BAZ1A: variants seen among roughly 807,000 people sequenced by gnomAD.
BAZ1A encodes the protein bromodomain adjacent to zinc finger domain protein 1A.
Under a neutral mutation model 185.2 loss-of-function variants are expected in BAZ1A, and 50 were observed. That is an observed-to-expected ratio of 0.27 (90% CI 0.22 to 0.34). BAZ1A has a LOEUF of 0.34. Among genes scored for constraint, BAZ1A ranks in the 10% least tolerant of loss-of-function variants. The pLI, the probability that BAZ1A is intolerant of heterozygous loss-of-function variation, is 1.00. For synonymous variants in BAZ1A, 571 were observed against 615.6 expected (o/e 0.93, Z 1.07); for missense variants, 1,356 against 1,839.9 (o/e 0.74, Z 4.81).
At position 34,842,144 on chromosome 14, in the gene BAZ1A, G is replaced by T. The variant is rs114584466; in HGVS notation, c.393-15988C>A. On this transcript the variant is annotated intron_variant, in intron 3 of 26. Transcript: ENST00000360310. ...GCCAGCACACAATACTTACTGAATG[G>T]ATTATATAAAATTTGCCTGTGTGTA... is the stretch of plus-strand genomic sequence containing the variant. 7.3e-3 allele frequency among the ~76,000 whole-genome samples: 1,106 copies of T among 151,942 alleles called. 16 individuals carry two copies. The highest frequency in any genetic ancestry group is 0.025 in the African/African-American group (1,048 of 41,414).
At chr14:34,819,167 G>A (rs1763534) in intron 4 of BAZ1A, among the ~76,000 whole-genome samples, 1,386 of 92,458 alleles carry the variant, frequency 0.015, 32 homozygotes, top group Middle Eastern at 0.024. Flanking sequence ...AAAAAAAAAA[G>A]AATGAATCTT....
At chr14:34,799,852 T>A (rs1348459436) in intron 9 of BAZ1A, among the ~76,000 whole-genome samples, 1 of 152,142 alleles carries the variant, frequency 6.6e-6, no homozygotes, top group Non-Finnish European at 1.5e-5. Flanking sequence ...CCTCATGATC[T>A]GCCTGCCTTG....
intron 25 of BAZ1A, among the ~76,000 whole-genome samples, chr14:34,758,308 G>A (rs925399738): frequency 1.3e-5 from 2 of 148,152 alleles, no homozygotes; most frequent in African/African-American, 5.0e-5. Flanking sequence ...ATGGCCAGGT[G>A]TGGTGGCTCA....
chr14:34,782,091 G>A (rs981867321), intron 16 of BAZ1A, among the ~76,000 whole-genome samples: 9 of 152,130 alleles, frequency 5.9e-5, no homozygotes, highest in African/African-American at 2.2e-4. Flanking sequence ...GTAACAAATG[G>A]TTTAATTGTC....
intron 2 of BAZ1A, among the ~76,000 whole-genome samples, chr14:34,865,143 G>A (rs2042836487): frequency 6.6e-6 from 1 of 152,056 alleles, no homozygotes; most frequent in South Asian, 2.1e-4. Context: ...AGCTACTCCG[G>A]AGGCCGAGGC....
chr14:34,820,134 T>TG (rs2042066162), intron 4 of BAZ1A, among the ~76,000 whole-genome samples: 1 of 144,540 alleles, frequency 6.9e-6, no homozygotes, highest in Non-Finnish European at 1.5e-5. Context: ...TTTTTTTTTT[T>TG]TTTTTTTTTT....
chr14:34,756,464 C>CTTTTTTTTTTTTTTTTTTTTT lies in BAZ1A; in HGVS notation c.4387-1551_4387-1550insAAAAAAAAAAAAAAAAAAAAA, dbSNP rs1343693112. Among the ~76,000 whole-genome samples the CTTTTTTTTTTTTTTTTTTTTT allele has an allele frequency of 3.7e-5, 4 of 107,168 alleles. 1 individual carries two copies. Among genetic ancestry groups the CTTTTTTTTTTTTTTTTTTTTT allele is most frequent in the Non-Finnish European group, 7.2e-5 (4 of 55,368 alleles). 70.3% of individuals were successfully genotyped at this position (107,168 alleles called of 152,430 possible). ...GACACACTGCACCCAGCCAGAATAC[C>CTTTTTTTTTTTTTTTTTTTTT]TATTTTTTTTTTTTTTTTTTTTTTT... On this transcript the variant is annotated intron_variant, in intron 25 of 26. Transcript: ENST00000360310.
At chr14:34,781,408 T>C (rs1376078161) in intron 16 of BAZ1A, among the ~76,000 whole-genome samples, 1 of 152,184 alleles carries the variant, frequency 6.6e-6, no homozygotes, top group African/African-American at 2.4e-5. Context: ...TAGTAGTCAT[T>C]TCCCATTTCC....
intron 3 of BAZ1A, among the ~76,000 whole-genome samples, chr14:34,835,867 C>T (rs1378528539): frequency 2.0e-5 from 3 of 151,476 alleles, no homozygotes; most frequent in Non-Finnish European, 2.9e-5. Flanking sequence ...GACAGGGTTT[C>T]TCCATGTTGG....
At chr14:34,812,393 G>A (rs1405986755) in intron 4 of BAZ1A, among the ~76,000 whole-genome samples, 3 of 152,214 alleles carry the variant, frequency 2.0e-5, no homozygotes, top group Admixed American at 6.6e-5. Flanking sequence ...CAGAGATGTA[G>A]CAGCAGTGCC....
intron 16 of BAZ1A, among the ~76,000 whole-genome samples, chr14:34,782,525 T>C (rs149215545): frequency 2.4e-4 from 36 of 152,316 alleles, no homozygotes; most frequent in African/African-American, 7.0e-4. Context: ...AATTCTTTCA[T>C]ATTCTGGATA....
intron 4 of BAZ1A, among the ~76,000 whole-genome samples, chr14:34,824,198 T>TAAAA (rs11453821): frequency 2.4e-5 from 3 of 126,564 alleles, no homozygotes; most frequent in Admixed American, 1.7e-4. Context: ...TGTCTCTACT[T>TAAAA]AAAAAAAAAA....
chr14:34,845,140 T>A (rs2042489025), intron 3 of BAZ1A, among the ~76,000 whole-genome samples: 1 of 152,198 alleles, frequency 6.6e-6, no homozygotes, highest in Non-Finnish European at 1.5e-5. Flanking sequence ...TTAGAGAATA[T>A]GTTTTTAATT....
At chr14:34,798,771 T>C (rs913703046) in intron 9 of BAZ1A, among the ~76,000 whole-genome samples, 2 of 152,152 alleles carry the variant, frequency 1.3e-5, no homozygotes, top group African/African-American at 4.8e-5. Flanking sequence ...TAGGAATGCT[T>C]TTACACCGTT....
intron 3 of BAZ1A, 133 bp downstream of exon 3, chr14:34,861,911 G>T: frequency 1.0e-6 from 1 of 1,004,642 alleles, no homozygotes; most frequent in Non-Finnish European, 1.5e-6. Context: ...TAACACCGGG[G>T]CTATCTGTGG....
At chr14:34,825,937 C>CA (rs35525726) in intron 4 of BAZ1A, 76 bp downstream of exon 4, 690,638 of 1,249,854 alleles carry the variant, frequency 0.55, 176,118 homozygotes, top group South Asian at 0.61. Flanking sequence ...AACTCTATCT[C>CA]AAAAAAAAAG....
chr14:34,753,687 T>C lies in BAZ1A; in HGVS notation c.4492A>G (p.Ile1498Val). The C allele has an allele frequency of 1.9e-6, 3 of 1,587,252 alleles. No individual in the cohort carries two copies. Among genetic ancestry groups the C allele is most frequent in the African/African-American group, 1.3e-5 (1 of 74,576 alleles). ...YKLASEFIDD[I>V]ELMFSNCFEY... ...AAGCAGTTCGAAAACATTAACTCAA[T>C]GTCATCAATAAACTCAGCTAGAAAG... is the stretch of plus-strand genomic sequence containing the variant. The change falls in exon 27 of 27, where the codon ATT (isoleucine) becomes GTT (valine). Residue 1498 changes from isoleucine (I) to valine (V), a missense_variant. Physicochemically the swap from Ile to Val is conservative, Grantham distance 29 (BLOSUM62 3). Around this residue, in one of 7 missense-constraint regions of BAZ1A, gnomAD observed 61 missense variants for 117.9 expected, o/e 0.52. Coordinates refer to ENST00000360310, the MANE Select transcript of BAZ1A (RefSeq NM_013448.3).
intron 3 of BAZ1A, among the ~76,000 whole-genome samples, chr14:34,848,315 A>C (rs1178238511): frequency 1.3e-5 from 2 of 152,218 alleles, no homozygotes; most frequent in Non-Finnish European, 2.9e-5. Context: ...TAAGATTAAA[A>C]ATAACTAAGG....
rs1240518906 is a variant in BAZ1A, at chr14:34,771,380, A to T, written c.3301+131T>A. The T allele has an allele frequency of 3.3e-6, 3 of 896,908 alleles. No individual in the cohort carries two copies. In the East Asian group the frequency reaches 7.5e-5, roughly 22 times the overall value. 55.6% of individuals were successfully genotyped at this position (896,908 alleles called of 1,614,324 possible). A position where few individuals can be genotyped will look rare whatever the true frequency, so the allele number is the denominator to read the frequency against. The stretch of plus-strand genomic sequence containing the variant: ...ATCTCACCTTAAAAGAACTCATTTA[A>T]AAATGAAAACATCTCAAGTTTTTAA... On this transcript the variant is annotated intron_variant, in intron 21 of 26. Transcript: ENST00000360310.
Sources: allele counts gnomAD v4.1 joint callset (sites outside exome capture counted in the v4.1 genomes callset), GRCh38; gene constraint gnomAD v4.1.1; regional missense constraint gnomAD v4.1.1; transcripts MANE v1.5; gene names NCBI Gene and HGNC (gene_info 2026-07-23, HGNC 2026-07-21).